Variants in WDPCP observed in about 807,000 individuals in gnomAD.
WDPCP encodes the protein WD repeat containing planar cell polarity effector.
In WDPCP, 71 loss-of-function variants were observed where a neutral mutation model predicts 93.1. The observed-to-expected ratio is 0.76, with a 90% CI of 0.63 to 0.93. The LOEUF is 0.93. WDPCP is among the 40% of genes least tolerant of loss of function. The probability of loss-of-function intolerance (pLI) is 0.00; values close to 1 mark genes in which losing one functional copy is unlikely to be tolerated. For synonymous variants in WDPCP, 315 were observed against 315.0 expected, an observed-to-expected ratio of 1.00 and a Z score of 0.00; for missense variants, 844 against 887.4, an observed-to-expected ratio of 0.95 and a Z score of 0.62.
rs78948199 is a variant in WDPCP at position 63,512,901 on chromosome 2, TAA to T, written c.76-19963_76-19962del. ...AACTTAAAGTATAATTTTTAAAAAT[TAA>T]AAAAAAAAAGAATCCAGGAAATAAG... On this transcript the variant is annotated intron_variant, in intron 1 of 17. Coordinates refer to ENST00000272321, the MANE Select transcript of WDPCP (RefSeq NM_015910.7). Among the ~76,000 whole-genome samples the T allele has an allele frequency of 3.5e-5, 5 of 143,344 alleles. No homozygotes were observed. The East Asian group carries it at 1.0e-3, about 29-fold the overall frequency. The allele number at this position is 143,344 out of a possible 152,430, so 94.0% of individuals were successfully genotyped here.
chr2:63,173,904 C>T (rs898247262), intron 15 of WDPCP, among the ~76,000 whole-genome samples: 1 of 152,114 alleles, frequency 6.6e-6, no homozygotes, highest in African/African-American at 2.4e-5. Flanking sequence ...AAAATAGGAT[C>T]CTCAAAAGCA....
intron 14 of WDPCP, among the ~76,000 whole-genome samples, chr2:63,256,165 T>TC (rs1382230638): frequency 1.3e-5 from 2 of 152,296 alleles, no homozygotes; most frequent in East Asian, 3.9e-4. Context: ...TGTTTTTGTT[T>TC]CTTTTTTTTC....
chr2:63,136,543 CTTTT>C (rs901756072), intron 17 of WDPCP, among the ~76,000 whole-genome samples: 8 of 151,798 alleles, frequency 5.3e-5, no homozygotes, highest in African/African-American at 1.9e-4. Flanking sequence ...AACAAATATT[CTTTT>C]TTTTAACTTT....
intron 2 of WDPCP, among the ~76,000 whole-genome samples, chr2:63,675,370 C>A (rs1021062072): frequency 6.6e-6 from 1 of 152,186 alleles, no homozygotes; most frequent in Admixed American, 6.5e-5. Context: ...ATACTCTCTC[C>A]ATCTGGGCTT....
At chr2:63,650,205 G>A (rs1311264735) in intron 3 of WDPCP, among the ~76,000 whole-genome samples, 1 of 152,204 alleles carries the variant, frequency 6.6e-6, no homozygotes, top group African/African-American at 2.4e-5. Context: ...ACTTTAGCTT[G>A]AGTCAGTCAC....
intron 3 of WDPCP, chr2:63,599,350 A>G: frequency 6.5e-7 from 1 of 1,540,576 alleles, no homozygotes; most frequent in South Asian, 1.2e-5. Context: ...TTTTTCTCTC[A>G]CTTTTAAAAT....
chr2:63,701,879 G>C (rs1322301442), intron 2 of WDPCP, among the ~76,000 whole-genome samples: 1 of 152,156 alleles, frequency 6.6e-6, no homozygotes, highest in African/African-American at 2.4e-5. Context: ...AAGAGAGGTT[G>C]ACTAATGGGT....
At chr2:63,727,405 C>G (rs565442777) in intron 2 of WDPCP, among the ~76,000 whole-genome samples, 4 of 152,266 alleles carry the variant, frequency 2.6e-5, no homozygotes, top group Admixed American at 1.3e-4. Flanking sequence ...CCTACTTGAT[C>G]GTATTGGATT....
intron 14 of WDPCP, among the ~76,000 whole-genome samples, chr2:63,248,337 C>T (rs1680450500): frequency 6.6e-6 from 1 of 152,138 alleles, no homozygotes; most frequent in South Asian, 2.1e-4. Flanking sequence ...TTGAGAATCC[C>T]TTGTATATGA....
chr2:63,179,531 T>C (rs1166885720), intron 14 of WDPCP, among the ~76,000 whole-genome samples: 2 of 151,912 alleles, frequency 1.3e-5, no homozygotes, highest in Non-Finnish European at 2.9e-5. Context: ...CCATTTCACC[T>C]TCTGCCATGA....
rs961576251 is a variant in WDPCP, at chr2:63,581,484, C to T, written c.75+6713G>A. Among the ~76,000 whole-genome samples the T allele has an allele frequency of 3.3e-5, 5 of 152,134 alleles. No homozygotes were observed. The East Asian group carries it at 9.6e-4, about 29-fold the overall frequency. On this transcript the variant is annotated intron_variant, in intron 1 of 17. Transcript: ENST00000272321. ...ACTCATATCGGGCTGGGAATAGTGC[C>T]TGTTCTCACCAGCCCGACAGAAAAA...
intron 2 of WDPCP, among the ~76,000 whole-genome samples, chr2:63,683,721 C>T (rs185349890): frequency 0.011 from 1,737 of 152,068 alleles, 14 homozygotes; most frequent in Non-Finnish European, 0.013. Flanking sequence ...CGGTGGCATG[C>T]GCCTGTAGTC....
intron 3 of WDPCP, chr2:63,607,109 A>G (rs750669398): frequency 2.8e-5 from 27 of 968,924 alleles, no homozygotes; most frequent in Non-Finnish European, 3.8e-5. Flanking sequence ...CATTTTAAAG[A>G]TTACGTGCTT....
At chr2:63,463,779 G>A (rs1209969312) in intron 6 of WDPCP, among the ~76,000 whole-genome samples, 1 of 152,084 alleles carries the variant, frequency 6.6e-6, no homozygotes, top group East Asian at 1.9e-4. Context: ...GAGAAAACTG[G>A]ATATTCATAT....
chr2:63,779,498 T>A (rs150980304), intron 2 of WDPCP, among the ~76,000 whole-genome samples: 1 of 152,284 alleles, frequency 6.6e-6, no homozygotes, highest in Non-Finnish European at 1.5e-5. Flanking sequence ...GCATTGCTTG[T>A]CCTGGTTTAT....
intron 14 of WDPCP, among the ~76,000 whole-genome samples, chr2:63,184,575 G>A (rs1367904168): frequency 6.6e-6 from 1 of 151,898 alleles, no homozygotes; most frequent in Non-Finnish European, 1.5e-5. Context: ...TTCCCACTGA[G>A]AAGTCCACCG....
intron 2 of WDPCP, chr2:63,684,707 C>T (rs1021884745): frequency 3.4e-5 from 22 of 644,688 alleles, no homozygotes; most frequent in African/African-American, 1.6e-4. Flanking sequence ...CCAGAAGCTG[C>T]GGTTTTAGAT....
chr2:63,238,182 T>G (rs1205399446), intron 14 of WDPCP, among the ~76,000 whole-genome samples: 1 of 152,136 alleles, frequency 6.6e-6, no homozygotes, highest in African/African-American at 2.4e-5. Context: ...AAGGTTATTT[T>G]TGTCTCAGAT....
At chr2:63,676,160 A>G (rs1220517318) in intron 2 of WDPCP, among the ~76,000 whole-genome samples, 1 of 152,254 alleles carries the variant, frequency 6.6e-6, no homozygotes, top group Non-Finnish European at 1.5e-5. Flanking sequence ...CAAAGACATC[A>G]GAAAGCCACT....
Sources: gnomAD v4.1 joint callset for allele counts (sites outside exome capture counted in the v4.1 genomes callset) on GRCh38, gnomAD v4.1.1 for gene constraint, MANE v1.5 for transcripts, NCBI Gene and HGNC (gene_info 2026-07-23, HGNC 2026-07-21) for gene names.